The following ATP11C variants were observed in gnomAD, a reference collection of about 807,000 sequenced individuals.
ATP11C encodes the protein ATPase phospholipid transporting 11C (ATP11C blood group).
A neutral mutation model predicts 97.4 loss-of-function variants in ATP11C; 36 were observed. That is an observed-to-expected ratio of 0.37 (90% CI 0.28 to 0.49). ATP11C has a LOEUF of 0.49. Ranked by LOEUF, ATP11C falls within the 20% of genes least tolerant of loss-of-function variation. The pLI, the probability that ATP11C is intolerant of heterozygous loss-of-function variation, is 0.98. For missense variants in ATP11C, 730 were observed against 824.6 expected (o/e 0.89, Z 1.40); for synonymous variants, 275 against 290.9 (o/e 0.95, Z 0.56).
At chrX:139,868,726 C>CA (rs565000787) in intron 1 of ATP11C, among the ~76,000 whole-genome samples, 5,281 of 76,270 alleles carry the variant, frequency 0.069, 406 homozygotes, top group African/African-American at 0.23. Context: ...GACTCCGTCT[C>CA]AAAAAAAAAA....
At chrX:139,842,845 G>T (rs1394486530) in intron 1 of ATP11C, among the ~76,000 whole-genome samples, 1 of 111,890 alleles carries the variant, frequency 8.9e-6, no homozygotes, top group Non-Finnish European at 1.9e-5. Context: ...TTTATTTTCA[G>T]TTGTATACTG....
At chrX:139,860,383 T>G (rs142880826) in intron 1 of ATP11C, among the ~76,000 whole-genome samples, 2,752 of 111,452 alleles carry the variant, frequency 0.025, 74 homozygotes, top group African/African-American at 0.086. Flanking sequence ...ATATACAGGT[T>G]TTAAGAGATA....
chrX:139,925,633 A>G (rs1239886165), intron 1 of ATP11C, among the ~76,000 whole-genome samples: 4 of 111,992 alleles, frequency 3.6e-5, no homozygotes, highest in Admixed American at 1.9e-4. Flanking sequence ...CATTTTCAAG[A>G]ACACTTCTGA....
At chrX:139,861,769 TACAC>T (rs5904005) in intron 1 of ATP11C, among the ~76,000 whole-genome samples, 6,828 of 101,210 alleles carry the variant, frequency 0.067, 541 homozygotes, top group African/African-American at 0.23. Flanking sequence ...AATCCTGTTA[TACAC>T]ACACACACAC....
intron 1 of ATP11C, among the ~76,000 whole-genome samples, chrX:139,861,111 G>C (rs921772537): frequency 8.9e-6 from 1 of 112,160 alleles, no homozygotes; most frequent in African/African-American, 3.2e-5. Context: ...ACTGTGATAA[G>C]TAGTACGGCA....
intron 23 of ATP11C, among the ~76,000 whole-genome samples, chrX:139,756,224 C>T (rs1470698613): frequency 2.7e-5 from 3 of 111,774 alleles, no homozygotes; most frequent in Non-Finnish European, 3.8e-5. Flanking sequence ...TATGAAAAAA[C>T]GCTCAACATC....
At chrX:139,784,637 G>T (rs973077322) in intron 16 of ATP11C, among the ~76,000 whole-genome samples, 2 of 111,024 alleles carry the variant, frequency 1.8e-5, no homozygotes, top group East Asian at 5.7e-4. Flanking sequence ...AGACATGAGG[G>T]AGCCCAGGAT....
At chrX:139,764,053 A>T (rs1194205490) in intron 20 of ATP11C, among the ~76,000 whole-genome samples, 1 of 112,312 alleles carries the variant, frequency 8.9e-6, no homozygotes, top group Non-Finnish European at 1.9e-5. Context: ...TAACATACAT[A>T]AGGCCACCAG....
chrX:139,739,977 A>C (rs2081522938), intron 27 of ATP11C, among the ~76,000 whole-genome samples: 1 of 112,025 alleles, frequency 8.9e-6, no homozygotes, highest in Non-Finnish European at 1.9e-5. Flanking sequence ...TAGGTTTCTC[A>C]TATTTTTATT....
chrX:139,758,522 G>T (rs2081979443), intron 22 of ATP11C, among the ~76,000 whole-genome samples: 1 of 111,450 alleles, frequency 9.0e-6, no homozygotes, highest in Non-Finnish European at 1.9e-5. Flanking sequence ...AAAAGGTTGG[G>T]GACCACTGTC....
At chrX:139,891,508 C>G (rs749816915) in intron 1 of ATP11C, among the ~76,000 whole-genome samples, 2 of 111,980 alleles carry the variant, frequency 1.8e-5, no homozygotes, top group Non-Finnish European at 3.8e-5. Context: ...ATGTATATCT[C>G]TAGCTAGCCA....
At chrX:139,794,289 T>C (rs1484022744) in intron 12 of ATP11C, among the ~76,000 whole-genome samples, 1 of 112,426 alleles carries the variant, frequency 8.9e-6, no homozygotes, top group Non-Finnish European at 1.9e-5. Context: ...TTAAATGACA[T>C]TGCCTTTAGT....
intron 1 of ATP11C, among the ~76,000 whole-genome samples, chrX:139,878,715 G>A (rs1163831444): frequency 2.7e-5 from 3 of 111,342 alleles, no homozygotes; most frequent in African/African-American, 9.8e-5. Flanking sequence ...GCATACCACA[G>A]AAGAAATGAC....
intron 1 of ATP11C, among the ~76,000 whole-genome samples, chrX:139,922,912 C>T (rs1398358352): frequency 1.8e-5 from 2 of 111,137 alleles, no homozygotes; most frequent in Non-Finnish European, 3.8e-5. Flanking sequence ...CTCAGCCTCC[C>T]GAGTAGCTGG....
chrX:139,731,283 ACTTT>A (rs1306864482), intron 29 of ATP11C, among the ~76,000 whole-genome samples: 1 of 112,021 alleles, frequency 8.9e-6, no homozygotes, highest in African/African-American at 3.2e-5. Context: ...TGGAATATTT[ACTTT>A]TAGTTTTCCA....
At chrX:139,896,619 GTCTCTCTCTCTCTCTCTCTCTC>G (rs202000678) in intron 1 of ATP11C, among the ~76,000 whole-genome samples, 1 of 90,885 alleles carries the variant, frequency 1.1e-5, no homozygotes, top group African/African-American at 4.2e-5. Context: ...TTGAGAAAGA[GTCTCTCTCTCTCTCTCTCTCTC>G]TCTCTCTCTC....
chrX:139,842,884 CCTTA>C (rs2083856541), intron 1 of ATP11C, among the ~76,000 whole-genome samples: 1 of 111,860 alleles, frequency 8.9e-6, no homozygotes, highest in South Asian at 3.8e-4. Flanking sequence ...CTCTAACAAA[CCTTA>C]CTTTCCCTTG....
chrX:139,898,400 T>TA (rs1306957869), intron 1 of ATP11C, among the ~76,000 whole-genome samples: 4 of 111,863 alleles, frequency 3.6e-5, no homozygotes, highest in African/African-American at 1.3e-4. Context: ...CATATTTTAA[T>TA]AAAAACCATT....
intron 4 of ATP11C, among the ~76,000 whole-genome samples, chrX:139,816,102 T>C (rs1383680702): frequency 8.9e-6 from 1 of 111,965 alleles, no homozygotes; most frequent in Non-Finnish European, 1.9e-5. Context: ...GTAGGCAAGA[T>C]ATAAGACCAG....
Sources: gnomAD v4.1 joint callset for allele counts (sites outside exome capture counted in the v4.1 genomes callset) on GRCh38, gnomAD v4.1.1 for gene constraint, MANE v1.5 for transcripts, NCBI Gene and HGNC (gene_info 2026-07-23, HGNC 2026-07-21) for gene names.